Variants in SETD5 observed in about 807,000 individuals in gnomAD.
The protein encoded by SETD5 is SET domain containing 5.
In SETD5, 44 loss-of-function variants were observed where a neutral mutation model predicts 153.3. The ratio of observed to expected loss-of-function variants is 0.29; its 90% CI spans 0.23 to 0.37. SETD5 has a LOEUF of 0.37. Among genes scored for constraint, SETD5 ranks in the 10% least tolerant of loss-of-function variants. The probability of loss-of-function intolerance (pLI) is 1.00; values close to 1 mark genes in which losing one functional copy is unlikely to be tolerated. For synonymous variants in SETD5, 716 were observed against 645.2 expected (o/e 1.11, Z -1.66); for missense variants, 1,544 against 1,768.0 (o/e 0.87, Z 2.27).
chr3:9,469,161 G>A (rs1291805604), intron 18 of SETD5, among the ~76,000 whole-genome samples: 1 of 152,230 alleles, frequency 6.6e-6, no homozygotes, highest in Non-Finnish European at 1.5e-5. Flanking sequence ...AACCAAGTGA[G>A]TCCCTGGCTT....
intron 2 of SETD5, among the ~76,000 whole-genome samples, chr3:9,425,760 G>A (rs1382484701): frequency 6.6e-6 from 1 of 152,004 alleles, no homozygotes; most frequent in Non-Finnish European, 1.5e-5. Flanking sequence ...ATTTTTAGTA[G>A]AGATAGGGTT....
chr3:9,399,720 G>C (rs1243395936), intron 1 of SETD5, among the ~76,000 whole-genome samples: 3 of 151,930 alleles, frequency 2.0e-5, no homozygotes, highest in Admixed American at 6.6e-5. Flanking sequence ...TTAGAATTTG[G>C]TAAATGTTGA....
At chr3:9,453,323 G>T (rs1222905608) in intron 16 of SETD5, among the ~76,000 whole-genome samples, 1 of 152,016 alleles carries the variant, frequency 6.6e-6, no homozygotes, top group African/African-American at 2.4e-5. Flanking sequence ...CTCTAGCACG[G>T]GGCAGACAAC....
At chr3:9,400,705 A>G (rs181225025) in intron 1 of SETD5, among the ~76,000 whole-genome samples, 2 of 152,336 alleles carry the variant, frequency 1.3e-5, no homozygotes, top group East Asian at 1.9e-4. Context: ...TGACATCACA[A>G]ATATATGTCT....
In SETD5 at chr3:9,477,831, G is replaced by T. The variant is rs1354545020; in HGVS notation, c.*1740G>T. ...GGTTTCTTTGTATATTATATAAAACGTATGTAAATGTCTCTCCATTTGGGC... is the reference window on the plus strand; with the variant it reads ...GGTTTCTTTGTATATTATATAAAACTTATGTAAATGTCTCTCCATTTGGGC... On this transcript the variant is annotated 3_prime_UTR_variant, in exon 23 of 23. Transcript: ENST00000402198. The T allele has an allele frequency of 1.3e-5, 2 of 152,300 alleles. No homozygotes were observed. The allele number at this position is 152,300 out of a possible 1,614,324, so 9.4% of individuals were successfully genotyped here.
rs573572586 is a variant in SETD5, at chr3:9,419,939, CTACTT to C, written c.-176-4526_-176-4522del. On this transcript the variant is annotated intron_variant, in intron 1 of 22. Transcript: ENST00000402198. The stretch of plus-strand genomic sequence containing the variant: ...AGATATGAGAAGTTCTTTTCCTACT[CTACTT>C]TGGTACATTGGTCTCTAACACATGT... 4.3e-4 allele frequency among the ~76,000 whole-genome samples: 66 copies of C among 152,250 alleles called. 1 individual carries two copies. Among genetic ancestry groups the C allele is most frequent in the African/African-American group, 1.5e-3 (64 of 41,556 alleles).
chr3:9,400,531 A>G (rs1438713663), intron 1 of SETD5, among the ~76,000 whole-genome samples: 1 of 152,200 alleles, frequency 6.6e-6, no homozygotes, highest in Non-Finnish European at 1.5e-5. Flanking sequence ...TAAACATTTT[A>G]CTAAGCTTGA....
At chr3:9,440,764 T>A in intron 8 of SETD5, 66 bp downstream of exon 8, 1 of 1,525,306 alleles carries the variant, frequency 6.6e-7, no homozygotes, top group Non-Finnish European at 8.8e-7. Flanking sequence ...AAGAGGGTAA[T>A]GGATTGGAAT....
intron 12 of SETD5, 143 bp downstream of exon 12, chr3:9,445,443 A>G (rs2041823850): frequency 2.0e-6 from 2 of 1,020,804 alleles, no homozygotes; most frequent in Non-Finnish European, 1.4e-6. Context: ...GTGTTCATAC[A>G]TTTCTTTCTG....
At chr3:9,405,257 T>C (rs540955370) in intron 1 of SETD5, among the ~76,000 whole-genome samples, 2 of 152,222 alleles carry the variant, frequency 1.3e-5, no homozygotes, top group African/African-American at 4.8e-5. Context: ...CACTGTATTA[T>C]TAGCTTGAAG....
chr3:9,467,550 A>C (rs1241056253), intron 18 of SETD5, among the ~76,000 whole-genome samples: 2 of 152,062 alleles, frequency 1.3e-5, no homozygotes, highest in Non-Finnish European at 2.9e-5. Context: ...TCACAGCCAA[A>C]ACCCTGCTTT....
At chr3:9,474,687 G>C in intron 21 of SETD5, 105 bp downstream of exon 21, 1 of 1,481,676 alleles carries the variant, frequency 6.7e-7, no homozygotes, top group Non-Finnish European at 9.1e-7. Flanking sequence ...TTCTGATGCA[G>C]TTGGGCTCCA....
At chr3:9,474,653 A>T in intron 21 of SETD5, 71 bp downstream of exon 21, 2 of 1,566,854 alleles carry the variant, frequency 1.3e-6, no homozygotes, top group Admixed American at 3.7e-5. Context: ...GTTCATGCCT[A>T]GTGCTGAGTT....
intron 1 of SETD5, among the ~76,000 whole-genome samples, chr3:9,413,649 G>GTGTGTGT (rs1302951459): frequency 2.5e-4 from 35 of 140,462 alleles, no homozygotes; most frequent in Non-Finnish European, 4.9e-4. Context: ...GGGGAGGCGG[G>GTGTGTGT]GTGTGTGTGT....
intron 3 of SETD5, chr3:9,430,275 A>G: frequency 4.1e-6 from 4 of 984,840 alleles, no homozygotes; most frequent in Non-Finnish European, 4.8e-6. Context: ...TTCCTTAAAG[A>G]GGAAGACTTA....
chr3:9,453,693 A>G (rs767352584), intron 16 of SETD5, 46 bp from the exon 17 acceptor site: 3 of 1,527,504 alleles, frequency 2.0e-6, no homozygotes, highest in Non-Finnish European at 2.6e-6. Context: ...TGCACTAAAT[A>G]GTTTTAGATA....
chr3:9,427,625 T>C (rs560088689), intron 2 of SETD5, among the ~76,000 whole-genome samples: 1 of 152,338 alleles, frequency 6.6e-6, no homozygotes, highest in East Asian at 1.9e-4. Flanking sequence ...TCCTTTAGTT[T>C]TTTTAGTATT....
intron 20 of SETD5, among the ~76,000 whole-genome samples, 187 bp downstream of exon 20, chr3:9,473,724 AG>A: frequency 6.6e-6 from 1 of 152,226 alleles, no homozygotes; most frequent in Non-Finnish European, 1.5e-5. Flanking sequence ...CCAGCTTTGC[AG>A]AATTAAGAAT....
chr3:9,433,088 T>A (rs1168561127), intron 3 of SETD5, among the ~76,000 whole-genome samples: 1 of 152,204 alleles, frequency 6.6e-6, no homozygotes, highest in Non-Finnish European at 1.5e-5. Context: ...AATGAATTAA[T>A]ATGTATTTAA....
Sources: allele counts gnomAD v4.1 joint callset (sites outside exome capture counted in the v4.1 genomes callset), GRCh38; gene constraint gnomAD v4.1.1; transcripts MANE v1.5; gene names NCBI Gene and HGNC (gene_info 2026-07-23, HGNC 2026-07-21).